MYO15A: variants seen among roughly 807,000 people sequenced by gnomAD.
The protein encoded by MYO15A is myosin XVA, also known as unconventional myosin-XV.
A neutral mutation model predicts 394.6 loss-of-function variants in MYO15A; 308 were observed. That is an observed-to-expected ratio of 0.78 (90% CI 0.71 to 0.86). The LOEUF (loss-of-function observed/expected upper bound fraction) is 0.86. Ranked by LOEUF, MYO15A falls within the 40% of genes least tolerant of loss-of-function variation. MYO15A has a pLI of 0.00. For synonymous variants in MYO15A, 1,957 were observed against 2,003.8 expected (o/e 0.98, Z 0.62); for missense variants, 4,606 against 4,799.1 (o/e 0.96, Z 1.19).
rs16960927 is a variant in MYO15A at position 18,132,330 on chromosome 17, G to C, written c.4207-123G>C. 1.3e-6 allele frequency: 1 copy of C among 762,596 alleles called. No homozygotes were observed. Among genetic ancestry groups the C allele is most frequent in the African/African-American group, 1.7e-5 (1 of 58,522 alleles). The allele number at this position is 762,596 out of a possible 1,614,324, so 47.2% of individuals were successfully genotyped here. A position where few individuals can be genotyped will look rare whatever the true frequency, so the allele number is the denominator to read the frequency against. ...GGAGCCTCACCCATCACAGAGGCGC[G>C]TGTTCTCATCTGCAGCCCACTGTGT... On this transcript the variant is annotated intron_variant, in intron 10 of 65. Coordinates refer to ENST00000647165, the MANE Select transcript of MYO15A (RefSeq NM_016239.4). This position sits in a 1 kb window ranked among gnomAD's most constrained non-coding sequence, Gnocchi z 4.6.
intron 1 of MYO15A, among the ~76,000 whole-genome samples, chr17:18,112,965 AG>A (rs2142223244): frequency 6.6e-6 from 1 of 151,850 alleles, no homozygotes; most frequent in South Asian, 2.1e-4. Context: ...CTCCTGCCTC[AG>A]CCTCCCAAGT....
chr17:18,116,972 C>T (rs1048109010), intron 1 of MYO15A, among the ~76,000 whole-genome samples: 1 of 151,778 alleles, frequency 6.6e-6, no homozygotes, highest in Non-Finnish European at 1.5e-5. Context: ...TTCATTTTTC[C>T]TCAAGCGGGC....
chr17:18,142,332 G>A, intron 24 of MYO15A, 78 bp downstream of exon 24: 4 of 1,505,848 alleles, frequency 2.7e-6, no homozygotes, highest in South Asian at 1.2e-5. Flanking sequence ...CTTAGGTGGT[G>A]AGCTCCCTAT....
intron 53 of MYO15A, 96 bp from the exon 54 acceptor site, chr17:18,159,179 A>T: frequency 6.7e-7 from 1 of 1,482,706 alleles, no homozygotes; most frequent in Non-Finnish European, 9.4e-7. Flanking sequence ...TGTGACGTGG[A>T]CCCTCCTGTT....
In MYO15A at chr17:18,132,580, G is replaced by A; in HGVS notation, c.4320+14G>A. ...TATCTGAACCAGGTGAGTGCCAGCAGGCATCTGAAGGCCCCTGGCCCTGGT... is the reference window on the plus strand; with the variant it reads ...TATCTGAACCAGGTGAGTGCCAGCAAGCATCTGAAGGCCCCTGGCCCTGGT... On this transcript the variant is annotated intron_variant, in intron 11 of 65. Transcript: ENST00000647165. The surrounding 1 kb of genome is among the most constrained non-coding windows in gnomAD (Gnocchi z 4.6). The A allele has an allele frequency of 3.7e-6, 6 of 1,601,996 alleles. No homozygotes were observed. The African/African-American group carries it at 4.0e-5, about 11-fold the overall frequency.
At chr17:18,127,225 T>A in intron 7 of MYO15A, 60 bp downstream of exon 7, 1 of 1,580,598 alleles carries the variant, frequency 6.3e-7, no homozygotes, top group South Asian at 1.1e-5. Flanking sequence ...GCACACCTCA[T>A]GTACTCCCGA....
At chr17:18,129,780 G>A (rs1292538750) in intron 7 of MYO15A, among the ~76,000 whole-genome samples, 1 of 152,248 alleles carries the variant, frequency 6.6e-6, no homozygotes, top group Non-Finnish European at 1.5e-5. Context: ...AGGGCAATGT[G>A]TCTGGCACAC....
intron 56 of MYO15A, 177 bp from the exon 57 acceptor site, chr17:18,161,140 C>T: frequency 9.8e-7 from 1 of 1,024,152 alleles, no homozygotes; most frequent in Non-Finnish European, 1.5e-6. Context: ...GTCCCTATCC[C>T]CAATCCTGAC....
chr17:18,146,644 A>G (rs1428013243), intron 30 of MYO15A, among the ~76,000 whole-genome samples: 1 of 152,200 alleles, frequency 6.6e-6, no homozygotes, highest in Non-Finnish European at 1.5e-5. Context: ...TCAGCACAAG[A>G]CCAGACGCAG....
At chr17:18,137,926 C>T in intron 16 of MYO15A, 189 bp from the exon 17 acceptor site, 1 of 912,602 alleles carries the variant, frequency 1.1e-6, no homozygotes, top group Non-Finnish European at 1.7e-6. Flanking sequence ...CTGGGCTGTC[C>T]CAGGCAGAGG....
chr17:18,172,116 C>T (rs776511549), intron 63 of MYO15A, 41 bp from the exon 64 acceptor site: 3 of 1,613,416 alleles, frequency 1.9e-6, no homozygotes, highest in Admixed American at 1.7e-5. Flanking sequence ...TGTCAGTGAG[C>T]CCTGCCCAGC....
In MYO15A at chr17:18,132,345, G is replaced by A; in HGVS notation, c.4207-108G>A. The A allele has an allele frequency of 2.3e-6, 2 of 860,834 alleles. No homozygotes were observed. The highest frequency in any genetic ancestry group is 5.0e-5 in the East Asian group (2 of 39,828). 53.3% of individuals were successfully genotyped at this position (860,834 alleles called of 1,614,324 possible). A position where few individuals can be genotyped will look rare whatever the true frequency, so the allele number is the denominator to read the frequency against. ...ACAGAGGCGCGTGTTCTCATCTGCA[G>A]CCCACTGTGTGCATGTGCACTTGTG... is the stretch of plus-strand genomic sequence containing the variant. On this transcript the variant is annotated intron_variant, in intron 10 of 65. Coordinates refer to ENST00000647165, the MANE Select transcript of MYO15A (RefSeq NM_016239.4). The surrounding 1 kb of genome is among the most constrained non-coding windows in gnomAD (Gnocchi z 4.6).
Position 18,178,914 on chromosome 17 carries a change from G to T in MYO15A, c.*44G>T. The T allele has an allele frequency of 6.3e-7, 1 of 1,582,378 alleles. No individual in the cohort carries two copies. Among genetic ancestry groups the T allele is most frequent in the Non-Finnish European group, 8.6e-7 (1 of 1,157,978 alleles). ...AGTACCTTCTGCCAGAAGACTCACT[G>T]TGTGGCCTCAGAGAAATCACTGAAC... On this transcript the variant is annotated 3_prime_UTR_variant, in exon 66 of 66. Transcript: ENST00000647165.
At position 18,152,939 on chromosome 17, in the gene MYO15A, G is replaced by A. The variant is rs182763074; in HGVS notation, c.7966+755G>A. 2.4e-4 allele frequency among the ~76,000 whole-genome samples: 37 copies of A among 152,306 alleles called. No individual in the cohort carries two copies. The East Asian group carries it at 6.6e-3, about 27-fold the overall frequency. ...AGGACCTCACAGACCAGCTCTCCAG[G>A]ATCCATCCTAAACCACCCTGCTTTA... On this transcript the variant is annotated intron_variant, in intron 42 of 65. Transcript: ENST00000647165.
chr17:18,166,355 C>T lies in MYO15A; in HGVS notation c.9788-6C>T, dbSNP rs759497074. On this transcript the variant is annotated splice_polypyrimidine_tract_variant and splice_region_variant and intron_variant, in intron 60 of 65. Coordinates refer to ENST00000647165, the MANE Select transcript of MYO15A (RefSeq NM_016239.4). ...CCACCCAGCCCTGCCTCCCTGCTCT[C>T]TGCAGGCCAGCATGTGTGCCCACTC... 8.7e-6 allele frequency: 14 copies of T among 1,612,088 alleles called. No individual in the cohort carries two copies. The highest frequency in any genetic ancestry group is 6.6e-5 in the South Asian group (6 of 91,078).
At chr17:18,124,265 G>C in intron 2 of MYO15A, 1 of 621,610 alleles carries the variant, frequency 1.6e-6, no homozygotes, top group Non-Finnish European at 3.0e-6. Flanking sequence ...GGGAGGGCCT[G>C]CCTGGGCACT....
At position 18,127,183 on chromosome 17, in the gene MYO15A, C is replaced by T; in HGVS notation, c.4032+18C>T. 1 of 1,613,558 alleles carries T rather than the reference C, an allele frequency of 6.2e-7. No individual in the cohort carries two copies. The highest frequency in any genetic ancestry group is 8.5e-7 in the Non-Finnish European group (1 of 1,179,860). On this transcript the variant is annotated intron_variant, in intron 7 of 65. Coordinates refer to ENST00000647165, the MANE Select transcript of MYO15A (RefSeq NM_016239.4). ...TGCAGCAGGTGAGTCTACCTGTCTC[C>T]CCAGGACCCTAGGCTGAACACCCTT...
In MYO15A at chr17:18,147,964, G is replaced by A. The variant is rs575158151; in HGVS notation, c.6510-65G>A. ...CCTCAGAATTTCCTACCCCCACCCC[G>A]CAGCCCTCAGCCCCAAGCTAGCTTC... On this transcript the variant is annotated intron_variant, in intron 30 of 65. Transcript: ENST00000647165. This position sits in a 1 kb window ranked among gnomAD's most constrained non-coding sequence, Gnocchi z 4.4. 1.0e-3 allele frequency: 1,644 copies of A among 1,597,524 alleles called. 4 individuals are homozygous for A. Among genetic ancestry groups the A allele is most frequent in the Non-Finnish European group, 1.2e-3 (1,409 of 1,166,098 alleles).
In MYO15A at chr17:18,126,456, C is replaced by T. The variant is rs192483691; in HGVS notation, c.3866C>T (p.Pro1289Leu). 21 of 1,613,560 alleles carry T rather than the reference C, an allele frequency of 1.3e-5. No individual in the cohort carries two copies. Among genetic ancestry groups the T allele is most frequent in the East Asian group, 2.2e-5 (1 of 44,862 alleles). ...YNGRALGENP[P>L]HLFAVANLAF... ...GGACGGGCCCTGGGAGAGAATCCCC[C>T]GTGAGTGTCTCGGGGGCGCTGCCCT... is the stretch of plus-strand genomic sequence containing the variant. The change falls in exon 5 of 66, where the codon CCG becomes CTG. Residue 1289 changes from proline (P) to leucine (L), a missense_variant and splice_region_variant. By Grantham distance (98) the Pro-to-Leu change is moderately conservative. Around this residue, in one of 2 missense-constraint regions of MYO15A, gnomAD observed 2,776 missense variants for 3,109.3 expected, o/e 0.89. Transcript: ENST00000647165.
Sources: allele counts gnomAD v4.1 joint callset (sites outside exome capture counted in the v4.1 genomes callset), GRCh38; gene constraint gnomAD v4.1.1; regional missense constraint gnomAD v4.1.1; non-coding constraint Gnocchi (gnomAD v3.1); transcripts MANE v1.5; gene names NCBI Gene and HGNC (gene_info 2026-07-23, HGNC 2026-07-21).